The following PTPRT variants were observed in gnomAD, a reference collection of about 807,000 sequenced individuals.
PTPRT encodes the protein protein tyrosine phosphatase receptor type T.
A neutral mutation model predicts 176.8 loss-of-function variants in PTPRT; 56 were observed. The observed-to-expected ratio is 0.32, with a 90% CI of 0.26 to 0.40. The LOEUF is 0.40. Among genes scored for constraint, PTPRT ranks in the 10% least tolerant of loss-of-function variants. PTPRT has a pLI of 1.00. For synonymous variants in PTPRT, 783 were observed against 739.0 expected (o/e 1.06, Z -0.96); for missense variants, 1,540 against 1,908.2 (o/e 0.81, Z 3.60).
chr20:42,334,584 C>T (rs2058013966), intron 11 of PTPRT, among the ~76,000 whole-genome samples: 1 of 152,160 alleles, frequency 6.6e-6, no homozygotes, highest in Non-Finnish European at 1.5e-5. Flanking sequence ...TGTGGTTGAA[C>T]TGGTAGGATT....
chr20:42,835,702 T>C (rs892237354), intron 2 of PTPRT, among the ~76,000 whole-genome samples: 12 of 152,180 alleles, frequency 7.9e-5, no homozygotes, highest in African/African-American at 2.7e-4. Context: ...CGATTATTTT[T>C]GGTTATTACT....
intron 1 of PTPRT, among the ~76,000 whole-genome samples, chr20:43,032,403 G>C (rs1199935674): frequency 1.3e-5 from 2 of 150,484 alleles, no homozygotes; most frequent in African/African-American, 4.9e-5. Context: ...GGTCCTGGGG[G>C]AGCAAAAGAG....
At position 42,110,222 on chromosome 20, in the gene PTPRT, ATCTT is replaced by A. The variant is rs371826243; in HGVS notation, c.3254+107_3254+110del. On this transcript the variant is annotated intron_variant, in intron 23 of 30. Transcript: ENST00000373187. ...CCACCATGACCAGCTAAGTTTTTGT[ATCTT>A]TCTTTAGTAGAGACGAGGTTTCACC... 2.7e-4 allele frequency: 273 copies of A among 1,021,746 alleles called. No individual in the cohort carries two copies. The African/African-American group carries it at 3.9e-3, about 15-fold the overall frequency. 63.3% of individuals were successfully genotyped at this position (1,021,746 alleles called of 1,614,324 possible).
At chr20:42,115,936 C>T in intron 21 of PTPRT, 1 of 679,572 alleles carries the variant, frequency 1.5e-6, no homozygotes, top group South Asian at 1.6e-5. Context: ...TCCTCTCTGA[C>T]CCTGGACGCG....
At position 42,339,744 on chromosome 20, in the gene PTPRT, T is replaced by C. The variant is rs139809761; in HGVS notation, c.1865+10884A>G. 3.7e-3 allele frequency among the ~76,000 whole-genome samples: 558 copies of C among 152,312 alleles called. 6 individuals carry two copies. The highest frequency in any genetic ancestry group is 0.013 in the African/African-American group (540 of 41,580). ...TTATTAGAACCCCAGCTGATTATGA[T>C]GTTCATTAAAGTTTGGAAACCTTGG... On this transcript the variant is annotated intron_variant, in intron 11 of 30. Transcript: ENST00000373187.
At chr20:42,280,832 T>C (rs568955207) in intron 13 of PTPRT, among the ~76,000 whole-genome samples, 75 of 152,272 alleles carry the variant, frequency 4.9e-4, no homozygotes, top group African/African-American at 1.0e-3. Context: ...ACTGTCCCCA[T>C]ATGTTCCTAT....
intron 1 of PTPRT, among the ~76,000 whole-genome samples, chr20:42,907,722 G>A (rs1468640325): frequency 6.6e-6 from 1 of 152,158 alleles, no homozygotes; most frequent in African/African-American, 2.4e-5. Flanking sequence ...AGTACTTGAA[G>A]TCATTAGTTT....
intron 1 of PTPRT, among the ~76,000 whole-genome samples, chr20:42,941,650 G>C (rs980521370): frequency 2.6e-5 from 4 of 152,104 alleles, no homozygotes; most frequent in African/African-American, 9.7e-5. Flanking sequence ...CTGGGCCCCA[G>C]ATCAACCATC....
chr20:43,073,919 T>C (rs1015752018), intron 1 of PTPRT, among the ~76,000 whole-genome samples: 1 of 152,180 alleles, frequency 6.6e-6, no homozygotes, highest in East Asian at 1.9e-4. Flanking sequence ...CCCAGCTAAT[T>C]TTTTAAAATT....
chr20:42,479,914 C>T (rs558658482), intron 7 of PTPRT, among the ~76,000 whole-genome samples: 1 of 152,132 alleles, frequency 6.6e-6, no homozygotes, highest in Non-Finnish European at 1.5e-5. Context: ...TCCAGGAGCT[C>T]CATTTGGAGA....
chr20:42,649,114 C>T (rs1025053680), intron 7 of PTPRT, among the ~76,000 whole-genome samples: 3 of 151,970 alleles, frequency 2.0e-5, no homozygotes, highest in Non-Finnish European at 4.4e-5. Context: ...CCACTGTGCC[C>T]GGCCAAGGAA....
chr20:43,176,967 A>G (rs1040214232), intron 1 of PTPRT, among the ~76,000 whole-genome samples: 1 of 152,204 alleles, frequency 6.6e-6, no homozygotes, highest in African/African-American at 2.4e-5. Flanking sequence ...GATATACTAC[A>G]TCTGCTTCAG....
At chr20:42,456,763 AT>A (rs1229583564) in intron 8 of PTPRT, among the ~76,000 whole-genome samples, 2 of 152,010 alleles carry the variant, frequency 1.3e-5, no homozygotes, top group African/African-American at 4.8e-5. Flanking sequence ...ATTTGCATAC[AT>A]TTTTTTCTCA....
intron 13 of PTPRT, among the ~76,000 whole-genome samples, chr20:42,265,281 C>A (rs2056820730): frequency 6.6e-6 from 1 of 152,120 alleles, no homozygotes; most frequent in Admixed American, 6.5e-5. Flanking sequence ...TGATTACAGA[C>A]TGTCTTGAGA....
At chr20:42,776,183 G>T (rs1286103573) in intron 4 of PTPRT, among the ~76,000 whole-genome samples, 2 of 152,110 alleles carry the variant, frequency 1.3e-5, no homozygotes, top group African/African-American at 4.8e-5. Flanking sequence ...CTCCTAAATG[G>T]ATCGCTAATC....
chr20:42,098,690 T>G lies in PTPRT; in HGVS notation c.3715-138A>C, dbSNP rs929440974. The stretch of plus-strand genomic sequence containing the variant: ...CAAAACACCTGCCTGTTCTTTTATC[T>G]CTCCACGCCCTGGCGGCAAAGGGGA... On this transcript the variant is annotated intron_variant, in intron 26 of 30. Transcript: ENST00000373187. 20 of 1,149,050 alleles carry G rather than the reference T, an allele frequency of 1.7e-5. No homozygotes were observed. The Middle Eastern group carries it at 1.2e-3, about 66-fold the overall frequency. 71.2% of individuals were successfully genotyped at this position (1,149,050 alleles called of 1,614,324 possible).
chr20:42,475,023 G>T (rs1298325143), intron 7 of PTPRT, among the ~76,000 whole-genome samples: 1 of 152,156 alleles, frequency 6.6e-6, no homozygotes, highest in Non-Finnish European at 1.5e-5. Context: ...ACATGTTATT[G>T]AACATCTTAA....
At chr20:42,081,854 GT>G in intron 30 of PTPRT, 27 bp downstream of exon 30, 1 of 1,613,184 alleles carries the variant, frequency 6.2e-7, no homozygotes, top group Non-Finnish European at 8.5e-7. Flanking sequence ...AGCCCTGGCT[GT>G]TGGAGAACAG....
chr20:42,152,908 A>G (rs1989197651), intron 17 of PTPRT, among the ~76,000 whole-genome samples: 1 of 152,190 alleles, frequency 6.6e-6, no homozygotes, highest in Admixed American at 6.5e-5. Context: ...TTCTCCTTTC[A>G]TAGGCAGGCA....
Sources: gnomAD v4.1 joint callset for allele counts (sites outside exome capture counted in the v4.1 genomes callset) on GRCh38, gnomAD v4.1.1 for gene constraint, MANE v1.5 for transcripts, NCBI Gene and HGNC (gene_info 2026-07-23, HGNC 2026-07-21) for gene names.